DYNC1I1: variants seen among roughly 807,000 people sequenced by gnomAD.
The protein encoded by DYNC1I1 is dynein cytoplasmic 1 intermediate chain 1.
DYNC1I1 carries 43 observed loss-of-function variants against 86.6 expected under a neutral mutation model. That is an observed-to-expected ratio of 0.50 (90% CI 0.39 to 0.64). DYNC1I1 has a LOEUF of 0.64. Among genes scored for constraint, DYNC1I1 ranks in the 30% least tolerant of loss-of-function variants. The pLI is 0.00. For missense variants in DYNC1I1, 604 were observed against 788.8 expected (o/e 0.77, Z 2.81); for synonymous variants, 262 against 283.7 (o/e 0.92, Z 0.77).
chr7:95,985,093 T>C (rs1793553417), intron 8 of DYNC1I1, 116 bp downstream of exon 8: 2 of 1,430,266 alleles, frequency 1.4e-6, no homozygotes, highest in East Asian at 4.8e-5. Flanking sequence ...GGTGAAATTT[T>C]GGAATTGATC....
chr7:96,065,167 A>G (rs1460892633), intron 14 of DYNC1I1, among the ~76,000 whole-genome samples: 2 of 152,232 alleles, frequency 1.3e-5, no homozygotes, highest in Non-Finnish European at 1.5e-5. Context: ...AAGACCATCA[A>G]CGAATTCCTA....
chr7:95,991,221 G>C (rs981442136), intron 9 of DYNC1I1, among the ~76,000 whole-genome samples: 2 of 152,148 alleles, frequency 1.3e-5, no homozygotes, highest in African/African-American at 4.8e-5. Flanking sequence ...CCTGTGTTCA[G>C]TGACTTCCGT....
chr7:96,110,088 A>G (rs114714671), downstream of DYNC1I1: 4,722 of 442,168 alleles, frequency 0.011, 207 homozygotes, highest in African/African-American at 0.089. Flanking sequence ...GTGCCCAGCT[A>G]TGCCTGCTTG....
chr7:95,827,280 G>A (rs1446056906), intron 4 of DYNC1I1, among the ~76,000 whole-genome samples: 5 of 152,078 alleles, frequency 3.3e-5, no homozygotes, highest in Non-Finnish European at 7.4e-5. Flanking sequence ...ACCTGTAACC[G>A]GTACTGTGCA....
rs558521203 is a variant in DYNC1I1 at position 95,879,666 on chromosome 7, G to A, written c.490+9668G>A. ...CTCCATACATTTTAGACAGTTAAGG[G>A]TCAAAATCTGGGCTATCTAGTTGAA... On this transcript the variant is annotated intron_variant, in intron 6 of 16. Transcript: ENST00000447467. 5.2e-4 allele frequency among the ~76,000 whole-genome samples: 79 copies of A among 152,252 alleles called. 1 individual carries two copies. The highest frequency in any genetic ancestry group is 8.5e-4 in the Non-Finnish European group (58 of 68,006).
chr7:96,098,461 A>G (rs1317891476), downstream of DYNC1I1: 1 of 973,530 alleles, frequency 1.0e-6, no homozygotes, highest in Non-Finnish European at 1.2e-6. Flanking sequence ...TTGCTTGGGG[A>G]AAGCTTGACT....
intron 6 of DYNC1I1, among the ~76,000 whole-genome samples, chr7:95,893,966 C>T (rs371665760): frequency 8.5e-5 from 13 of 152,094 alleles, no homozygotes; most frequent in African/African-American, 2.9e-4. Flanking sequence ...AAAATTTATT[C>T]GGTTCCTCAG....
intron 2 of DYNC1I1, among the ~76,000 whole-genome samples, chr7:95,806,945 G>A (rs1013470315): frequency 1.3e-5 from 2 of 152,112 alleles, no homozygotes; most frequent in African/African-American, 2.4e-5. Flanking sequence ...ACCTGGATCT[G>A]CCCTTCACAG....
At position 95,813,632 on chromosome 7, in the gene DYNC1I1, G is replaced by A. The variant is rs576349604; in HGVS notation, c.314+295G>A. ...TTAGGCTTAAAAAAGGCAGGGAGAAGCCTTTTCATTATTTAGTAGATAATT... is the reference window on the plus strand; with the variant it reads ...TTAGGCTTAAAAAAGGCAGGGAGAAACCTTTTCATTATTTAGTAGATAATT... On this transcript the variant is annotated intron_variant, in intron 4 of 16. Coordinates refer to ENST00000447467, the MANE Select transcript of DYNC1I1 (RefSeq NM_001135556.2). 5.3e-5 allele frequency among the ~76,000 whole-genome samples: 8 copies of A among 152,142 alleles called. 1 individual carries two copies. In the South Asian group the frequency reaches 1.7e-3, roughly 32 times the overall value.
rs371823239 is a variant in DYNC1I1, at chr7:95,781,149, G to T, written c.-10+8376G>T. On this transcript the variant is annotated intron_variant, in intron 1 of 16. Transcript: ENST00000447467. ...CAGAGGAAAATGAGAATCTATTTGG[G>T]TAAGTTAAAAATGCCAAACTAAATC... 8.8e-4 allele frequency among the ~76,000 whole-genome samples: 134 copies of T among 152,240 alleles called. 1 individual carries two copies. The Middle Eastern group carries it at 0.041, about 47-fold the overall frequency.
At chr7:95,899,824 C>A (rs1230719886) in intron 6 of DYNC1I1, among the ~76,000 whole-genome samples, 1 of 152,104 alleles carries the variant, frequency 6.6e-6, no homozygotes, top group African/African-American at 2.4e-5. Flanking sequence ...ATATTTAATT[C>A]TTTTCTATGA....
chr7:95,849,702 G>T (rs940853323), intron 5 of DYNC1I1, among the ~76,000 whole-genome samples: 1 of 152,010 alleles, frequency 6.6e-6, no homozygotes, highest in African/African-American at 2.4e-5. Flanking sequence ...ACTGTTTGGG[G>T]TCTTTTGTGG....
At chr7:96,107,378 T>TAA (rs1791232685) in intron 16 of DYNC1I1, among the ~76,000 whole-genome samples, 2 of 151,990 alleles carry the variant, frequency 1.3e-5, no homozygotes, top group African/African-American at 2.4e-5. Flanking sequence ...GACATACTTA[T>TAA]TAGGTTATTA....
intron 6 of DYNC1I1, among the ~76,000 whole-genome samples, chr7:95,971,162 T>G (rs1326629120): frequency 6.6e-6 from 1 of 152,156 alleles, no homozygotes; most frequent in Admixed American, 6.5e-5. Flanking sequence ...GTCTGGAACC[T>G]AGAAGGGATA....
At chr7:95,880,914 A>G (rs901673945) in intron 6 of DYNC1I1, among the ~76,000 whole-genome samples, 7 of 151,656 alleles carry the variant, frequency 4.6e-5, no homozygotes, top group African/African-American at 1.7e-4. Context: ...CATAACTTGC[A>G]TTTTCACTCG....
intron 6 of DYNC1I1, among the ~76,000 whole-genome samples, chr7:95,929,619 C>A (rs887582492): frequency 2.0e-5 from 3 of 152,082 alleles, no homozygotes; most frequent in African/African-American, 7.2e-5. Flanking sequence ...ATGAACATAC[C>A]ATGAAACCAG....
At chr7:95,846,815 T>C (rs1056846484) in intron 5 of DYNC1I1, among the ~76,000 whole-genome samples, 32 of 152,182 alleles carry the variant, frequency 2.1e-4, no homozygotes, top group Admixed American at 1.7e-3. Context: ...AATTCAGTAG[T>C]TGAAAAACAA....
At chr7:95,974,735 T>C (rs319302) in intron 6 of DYNC1I1, among the ~76,000 whole-genome samples, 123,178 of 152,104 alleles carry the variant, frequency 0.81, 50,207 homozygotes, top group East Asian at 0.92. Flanking sequence ...GAATACCTGA[T>C]AAATAAAATA....
At chr7:95,847,297 C>T (rs1789458924) in intron 5 of DYNC1I1, among the ~76,000 whole-genome samples, 2 of 152,178 alleles carry the variant, frequency 1.3e-5, no homozygotes, top group South Asian at 2.1e-4. Context: ...CTCCACACTT[C>T]GTTAGACCAT....
Sources: allele counts gnomAD v4.1 joint callset (sites outside exome capture counted in the v4.1 genomes callset), GRCh38; gene constraint gnomAD v4.1.1; transcripts MANE v1.5; gene names NCBI Gene and HGNC (gene_info 2026-07-23, HGNC 2026-07-21).